Variants in MCC observed in about 807,000 individuals in gnomAD.
MCC encodes MCC regulator of Wnt signaling pathway.
In MCC, 90 loss-of-function variants were observed where a neutral mutation model predicts 116.2. The ratio of observed to expected loss-of-function variants is 0.77; its 90% CI spans 0.65 to 0.92. The LOEUF (loss-of-function observed/expected upper bound fraction) is 0.92. Ranked by LOEUF, MCC falls within the 40% of genes least tolerant of loss-of-function variation. The pLI, the probability that MCC is intolerant of heterozygous loss-of-function variation, is 0.00. For synonymous variants in MCC, 578 were observed against 510.5 expected (o/e 1.13, Z -1.78); for missense variants, 1,516 against 1,312.2 (o/e 1.16, Z -2.40).
At chr5:113,295,180 A>G (rs900349169) in intron 3 of MCC, among the ~76,000 whole-genome samples, 1 of 152,006 alleles carries the variant, frequency 6.6e-6, no homozygotes, top group Non-Finnish European at 1.5e-5. Context: ...ATTAAAAAAA[A>G]AAAAAGAAAA....
At chr5:113,396,794 T>C (rs1769537156) in intron 1 of MCC, among the ~76,000 whole-genome samples, 1 of 152,224 alleles carries the variant, frequency 6.6e-6, no homozygotes, top group Non-Finnish European at 1.5e-5. Flanking sequence ...GAATGATACC[T>C]GGCATATAAT....
rs759353986 is a variant in MCC, at chr5:113,101,193, T to A, written c.1398+546A>T. Among the ~76,000 whole-genome samples, 11 of 152,194 alleles carry A rather than the reference T, an allele frequency of 7.2e-5. No homozygotes were observed. In the South Asian group the frequency reaches 1.0e-3, roughly 14 times the overall value. On this transcript the variant is annotated intron_variant, in intron 8 of 18. Coordinates refer to ENST00000408903, the MANE Select transcript of MCC (RefSeq NM_001085377.2). ...TAAACACAGAGACACACACATAACATGCACACTTAAACAGATGCACATACA... is the reference window on the plus strand; with the variant it reads ...TAAACACAGAGACACACACATAACAAGCACACTTAAACAGATGCACATACA...
intron 3 of MCC, among the ~76,000 whole-genome samples, chr5:113,293,008 G>C (rs956241260): frequency 6.6e-6 from 1 of 152,126 alleles, no homozygotes; most frequent in Non-Finnish European, 1.5e-5. Context: ...CATTTCTTGA[G>C]TCTTCTACAT....
Position 113,027,198 on chromosome 5 carries a change from C to A in MCC, c.*104G>T. ...GTCCAAGTGCCGACCTACCTGCCAG[C>A]CTTCCCTTTCCTCCTCCTCCCAACA... On this transcript the variant is annotated 3_prime_UTR_variant, in exon 19 of 19. Transcript: ENST00000408903. 1.6e-6 allele frequency: 2 copies of A among 1,260,218 alleles called. No individual in the cohort carries two copies. Among genetic ancestry groups the A allele is most frequent in the South Asian group, 2.9e-5 (2 of 68,014 alleles). The allele number at this position is 1,260,218 out of a possible 1,614,324, so 78.1% of individuals were successfully genotyped here.
At chr5:113,257,204 G>A (rs927883753) in intron 3 of MCC, among the ~76,000 whole-genome samples, 2 of 152,158 alleles carry the variant, frequency 1.3e-5, no homozygotes, top group Non-Finnish European at 2.9e-5. Flanking sequence ...ATATACTCCA[G>A]GTACCACTTC....
chr5:113,036,300 A>T (rs1348793139), intron 17 of MCC, among the ~76,000 whole-genome samples: 1 of 152,142 alleles, frequency 6.6e-6, no homozygotes, highest in Non-Finnish European at 1.5e-5. Flanking sequence ...GGCCTCCGAA[A>T]GTACTAGGAT....
rs150290931 is a variant in MCC at position 113,257,347 on chromosome 5, A to G, written c.627+83172T>C. Among the ~76,000 whole-genome samples, 19 of 152,258 alleles carry G rather than the reference A, an allele frequency of 1.2e-4. No individual in the cohort carries two copies. In the East Asian group the frequency reaches 3.7e-3, roughly 29 times the overall value. ...CAAGGAAATCAGGAGAGAGAGGTCA[A>G]AGGGAGAACTCCAAGGAACCCAGGA... On this transcript the variant is annotated intron_variant, in intron 3 of 18. Transcript: ENST00000408903.
At chr5:113,422,022 G>C (rs543976387) in intron 1 of MCC, among the ~76,000 whole-genome samples, 2 of 152,302 alleles carry the variant, frequency 1.3e-5, no homozygotes, top group South Asian at 4.1e-4. Context: ...GAAGGCCAGA[G>C]AAGACAGAAT....
intron 3 of MCC, among the ~76,000 whole-genome samples, chr5:113,161,927 A>C (rs1760507842): frequency 6.6e-6 from 1 of 152,254 alleles, no homozygotes; most frequent in East Asian, 1.9e-4. Context: ...GTTTCAGGGA[A>C]GGCCCAGGCA....
chr5:113,384,928 C>T (rs756729847), intron 2 of MCC, 40 bp downstream of exon 2: 5 of 1,610,232 alleles, frequency 3.1e-6, no homozygotes, highest in Non-Finnish European at 4.2e-6. Context: ...ACAGGCAAGG[C>T]CAGTGGAGTG....
intron 8 of MCC, among the ~76,000 whole-genome samples, chr5:113,097,362 T>G (rs1756089178): frequency 6.6e-6 from 1 of 152,212 alleles, no homozygotes; most frequent in Non-Finnish European, 1.5e-5. Context: ...ATGATATGAA[T>G]ACATTCATTA....
intron 3 of MCC, among the ~76,000 whole-genome samples, chr5:113,284,376 G>T (rs1248064331): frequency 6.6e-6 from 1 of 152,204 alleles, no homozygotes; most frequent in Non-Finnish European, 1.5e-5. Context: ...CATGGTTTAA[G>T]GGTCAACTGT....
chr5:113,460,941 C>G (rs747715484), intron 1 of MCC, among the ~76,000 whole-genome samples: 1 of 152,176 alleles, frequency 6.6e-6, no homozygotes, highest in South Asian at 2.1e-4. Flanking sequence ...GGCACTTTAT[C>G]GCATTTATTT....
intron 3 of MCC, among the ~76,000 whole-genome samples, chr5:113,213,245 T>C (rs1181941075): frequency 6.6e-6 from 1 of 152,154 alleles, no homozygotes; most frequent in Non-Finnish European, 1.5e-5. Flanking sequence ...GGAATAAACA[T>C]TAAAGCAATC....
At chr5:113,140,434 A>C (rs1425247935) in intron 5 of MCC, among the ~76,000 whole-genome samples, 1 of 152,200 alleles carries the variant, frequency 6.6e-6, no homozygotes, top group Non-Finnish European at 1.5e-5. Flanking sequence ...TTTTCCTACC[A>C]ATGCTTAATC....
At position 113,385,007 on chromosome 5, in the gene MCC, T is replaced by C. The variant is rs1769219027; in HGVS notation, c.376A>G (p.Arg126Gly). The C allele has an allele frequency of 6.2e-7, 1 of 1,614,224 alleles. No homozygotes were observed. Among genetic ancestry groups the C allele is most frequent in the Non-Finnish European group, 8.5e-7 (1 of 1,180,030 alleles). ...DNSCTKKLRD[R>G]IASWPTSSDN... ...CTGCTCGTGGGCCAGGAAGCAATTC[T>C]ATCCCTCAGCTTCTTTGTACAGGAG... Residue 126 changes from arginine (R) to glycine (G), a missense_variant, in exon 2 of 19, where the codon AGA becomes GGA. Transcript: ENST00000408903.
intron 3 of MCC, chr5:113,204,500 A>C (rs1438108684): frequency 6.6e-6 from 1 of 152,258 alleles, no homozygotes. Context: ...ATTTATTTTT[A>C]GTATTAAAAT....
intron 3 of MCC, among the ~76,000 whole-genome samples, chr5:113,275,589 A>AG (rs1192464846): frequency 6.6e-6 from 1 of 152,238 alleles, no homozygotes; most frequent in Non-Finnish European, 1.5e-5. Context: ...GCTCATGCAG[A>AG]GACAGGTATA....
chr5:113,479,410 T>G (rs1056022378), intron 1 of MCC, among the ~76,000 whole-genome samples: 2 of 152,186 alleles, frequency 1.3e-5, no homozygotes, highest in Non-Finnish European at 2.9e-5. Flanking sequence ...TATATAAATT[T>G]GTCAAAACTC....
Sources: gnomAD v4.1 joint callset for allele counts (sites outside exome capture counted in the v4.1 genomes callset) on GRCh38, gnomAD v4.1.1 for gene constraint, MANE v1.5 for transcripts, NCBI Gene and HGNC (gene_info 2026-07-23, HGNC 2026-07-21) for gene names.